Variants in NKAIN2 observed in about 807,000 individuals in gnomAD.
NKAIN2 encodes sodium/potassium-transporting ATPase subunit beta-1-interacting protein 2.
In NKAIN2, 14 loss-of-function variants were observed where a neutral mutation model predicts 32.6. The ratio of observed to expected loss-of-function variants is 0.43; its 90% CI spans 0.28 to 0.67. The LOEUF (loss-of-function observed/expected upper bound fraction) is 0.67. Among genes scored for constraint, NKAIN2 ranks in the 30% least tolerant of loss-of-function variants. The probability of loss-of-function intolerance (pLI) is 0.17; values close to 1 mark genes in which losing one functional copy is unlikely to be tolerated. For synonymous variants in NKAIN2, 80 were observed against 87.2 expected, an observed-to-expected ratio of 0.92 and a Z score of 0.46; for missense variants, 198 against 258.3, an observed-to-expected ratio of 0.77 and a Z score of 1.60.
At chr6:124,719,570 G>C (rs1244530412) in intron 4 of NKAIN2, among the ~76,000 whole-genome samples, 1 of 152,080 alleles carries the variant, frequency 6.6e-6, no homozygotes, top group African/African-American at 2.4e-5. Flanking sequence ...AAAGGAAGGA[G>C]TTTCTTTTTC....
At position 124,177,561 on chromosome 6, in the gene NKAIN2, C is replaced by A. The variant is rs1161281219; in HGVS notation, c.55-105444C>A. Among the ~76,000 whole-genome samples, 4 of 152,196 alleles carry A rather than the reference C, an allele frequency of 2.6e-5. No homozygotes were observed. The East Asian group carries it at 7.7e-4, about 29-fold the overall frequency. On this transcript the variant is annotated intron_variant, in intron 1 of 6. Coordinates refer to ENST00000368417, the MANE Select transcript of NKAIN2 (RefSeq NM_001040214.3). ...AAATAGGAAATACAAAAAAATTAAT[C>A]CCTATTTAGAAATCTCTGCATAGCA...
intron 3 of NKAIN2, among the ~76,000 whole-genome samples, chr6:124,627,292 G>GTGA (rs1305510165): frequency 6.6e-6 from 1 of 152,102 alleles, no homozygotes; most frequent in Non-Finnish European, 1.5e-5. Flanking sequence ...AAACTACAGT[G>GTGA]TGATTAAATC....
chr6:123,914,964 A>C (rs956366065), intron 1 of NKAIN2, among the ~76,000 whole-genome samples: 5 of 152,214 alleles, frequency 3.3e-5, no homozygotes, highest in African/African-American at 7.2e-5. Context: ...TCCCAAGCCC[A>C]CCTCACATTT....
chr6:124,130,910 A>G (rs1284371937), intron 1 of NKAIN2, among the ~76,000 whole-genome samples: 7 of 152,188 alleles, frequency 4.6e-5, no homozygotes, highest in Non-Finnish European at 7.4e-5. Flanking sequence ...ACACAAAACC[A>G]AACTGCTCAT....
At chr6:124,208,419 G>A (rs181686358) in intron 1 of NKAIN2, among the ~76,000 whole-genome samples, 1 of 151,742 alleles carries the variant, frequency 6.6e-6, no homozygotes, top group South Asian at 2.1e-4. Flanking sequence ...TTTTCCATAT[G>A]ATGACCACTG....
At chr6:124,572,632 TAA>T (rs144993435) in intron 3 of NKAIN2, among the ~76,000 whole-genome samples, 1 of 151,480 alleles carries the variant, frequency 6.6e-6, no homozygotes, top group South Asian at 2.1e-4. Context: ...AAGATATCTA[TAA>T]AGTCTTACCA....
At chr6:123,877,558 G>T (rs898698764) in intron 1 of NKAIN2, among the ~76,000 whole-genome samples, 2 of 152,182 alleles carry the variant, frequency 1.3e-5, no homozygotes, top group Non-Finnish European at 2.9e-5. Context: ...GAAGTTGCAG[G>T]TTCAGTCCCA....
chr6:124,799,684 A>C (rs1161024883), intron 5 of NKAIN2, among the ~76,000 whole-genome samples: 1 of 152,208 alleles, frequency 6.6e-6, no homozygotes, highest in Non-Finnish European at 1.5e-5. Context: ...TATGCAAAGA[A>C]TATTTCTGGC....
chr6:124,825,533 G>A lies in NKAIN2; in HGVS notation c.*2304G>A, dbSNP rs960131750. On this transcript the variant is annotated 3_prime_UTR_variant, in exon 7 of 7. Transcript: ENST00000368417. ...AGAAGGCAAGGGTTATGATCCTGATGTGTCCTTTTTTTTTGCATTTGTTAA... is the reference window on the plus strand; with the variant it reads ...AGAAGGCAAGGGTTATGATCCTGATATGTCCTTTTTTTTTGCATTTGTTAA... 1.7e-4 allele frequency: 26 copies of A among 152,536 alleles called. No homozygotes were observed. The highest frequency in any genetic ancestry group is 6.0e-4 in the African/African-American group (25 of 41,420). 9.4% of individuals were successfully genotyped at this position (152,536 alleles called of 1,614,324 possible). A position where few individuals can be genotyped will look rare whatever the true frequency, so the allele number is the denominator to read the frequency against.
chr6:123,910,485 T>C (rs1775115045), intron 1 of NKAIN2, among the ~76,000 whole-genome samples: 1 of 150,004 alleles, frequency 6.7e-6, no homozygotes, highest in Non-Finnish European at 1.5e-5. Context: ...TTGAGGACAT[T>C]ACCTGCAATG....
intron 5 of NKAIN2, among the ~76,000 whole-genome samples, chr6:124,805,169 G>A (rs1303791017): frequency 6.6e-6 from 1 of 152,218 alleles, no homozygotes; most frequent in Non-Finnish European, 1.5e-5. Flanking sequence ...GGAGATCTGA[G>A]AATGGGCAGA....
chr6:123,915,079 C>G (rs529268160), intron 1 of NKAIN2, among the ~76,000 whole-genome samples: 1 of 152,094 alleles, frequency 6.6e-6, no homozygotes. Context: ...CACAGCTTCT[C>G]GAAGAGGTGT....
chr6:124,355,555 G>C (rs1021490355), intron 3 of NKAIN2, among the ~76,000 whole-genome samples: 1 of 152,104 alleles, frequency 6.6e-6, no homozygotes, highest in Admixed American at 6.5e-5. Context: ...GCAAAACTAA[G>C]TGAACTGTTG....
Position 124,286,687 on chromosome 6 carries a change from T to C in NKAIN2, c.192+3545T>C, listed in dbSNP as rs544556439. The stretch of plus-strand genomic sequence containing the variant: ...GTGTGTGTGTGTGCGCGCGCGTGTG[T>C]GTGTGTGTGTGTGAGATAAGTTTCG... On this transcript the variant is annotated intron_variant, in intron 2 of 6. Coordinates refer to ENST00000368417, the MANE Select transcript of NKAIN2 (RefSeq NM_001040214.3). Among the ~76,000 whole-genome samples the C allele has an allele frequency of 2.4e-3, 348 of 147,208 alleles. 2 individuals are homozygous for C. Among genetic ancestry groups the C allele is most frequent in the African/African-American group, 8.4e-3 (315 of 37,654 alleles).
intron 2 of NKAIN2, among the ~76,000 whole-genome samples, chr6:124,312,646 G>A (rs1041946764): frequency 6.6e-6 from 1 of 152,140 alleles, no homozygotes; most frequent in Non-Finnish European, 1.5e-5. Context: ...GCTGCCTAGA[G>A]GCTCTTCATA....
intron 4 of NKAIN2, among the ~76,000 whole-genome samples, chr6:124,725,715 C>T (rs554290091): frequency 4.6e-5 from 7 of 152,110 alleles, no homozygotes; most frequent in Admixed American, 2.0e-4. Flanking sequence ...CCAAGATGGC[C>T]GAATAGGAAC....
chr6:123,808,647 A>G (rs1346604968), intron 1 of NKAIN2, among the ~76,000 whole-genome samples: 3 of 152,300 alleles, frequency 2.0e-5, no homozygotes, highest in African/African-American at 7.2e-5. Flanking sequence ...ACCCATGTGG[A>G]GCTGTTCTCC....
At chr6:124,455,603 C>G (rs1468101039) in intron 3 of NKAIN2, among the ~76,000 whole-genome samples, 1 of 151,578 alleles carries the variant, frequency 6.6e-6, no homozygotes, top group Non-Finnish European at 1.5e-5. Context: ...GGTTTGATTC[C>G]TTTTATAAAT....
intron 1 of NKAIN2, among the ~76,000 whole-genome samples, chr6:123,806,081 G>A (rs543316808): frequency 3.9e-5 from 6 of 152,080 alleles, no homozygotes; most frequent in Non-Finnish European, 7.4e-5. Flanking sequence ...GTTTTTATGT[G>A]CTCACATATG....
Sources: gnomAD v4.1 joint callset for allele counts (sites outside exome capture counted in the v4.1 genomes callset) on GRCh38, gnomAD v4.1.1 for gene constraint, MANE v1.5 for transcripts, NCBI Gene and HGNC (gene_info 2026-07-23, HGNC 2026-07-21) for gene names.